The following APBB3 variants were observed in gnomAD, a reference collection of about 807,000 sequenced individuals.
The protein encoded by APBB3 is amyloid beta precursor protein binding family B member 3.
In APBB3, 50 loss-of-function variants were observed where a neutral mutation model predicts 61.5. That is an observed-to-expected ratio of 0.81 (90% CI 0.65 to 1.03). The LOEUF (loss-of-function observed/expected upper bound fraction) is 1.03. Ranked by LOEUF, APBB3 falls within the 50% of genes least tolerant of loss-of-function variation. APBB3 has a pLI of 0.00. For synonymous variants in APBB3, 235 were observed against 233.0 expected (o/e 1.01, Z -0.08); for missense variants, 550 against 637.4 (o/e 0.86, Z 1.48).
rs774015945 is a variant in APBB3, at chr5:140,561,060, C to T, written c.874G>A (p.Glu292Lys). ...GGCAGTGTCCCCATATACAGTGCCTCGTACTTCTGAGCAGCTTGGCTTACC... is the reference window on the plus strand; with the variant it reads ...GGCAGTGTCCCCATATACAGTGCCTTGTACTTCTGAGCAGCTTGGCTTACC... ...DAVSQAAQKY[E>K]ALYMGTLPVT... Residue 292 changes from glutamate (E) to lysine (K), a missense_variant, in exon 10 of 13, where the codon GAG becomes AAG. Around this residue, in one of 3 missense-constraint regions of APBB3, gnomAD observed 405 missense variants for 483.4 expected, o/e 0.84. Coordinates refer to ENST00000357560, the MANE Select transcript of APBB3 (RefSeq NM_133173.3). 32 of 1,613,816 alleles carry T rather than the reference C, an allele frequency of 2.0e-5. No homozygotes were observed. Among genetic ancestry groups the T allele is most frequent in the Non-Finnish European group, 2.4e-5 (28 of 1,180,032 alleles).
In APBB3 at chr5:140,564,365, G is replaced by A; in HGVS notation, c.-120C>T. On this transcript the variant is annotated 5_prime_UTR_variant, in exon 1 of 13. Transcript: ENST00000357560. This position sits in a 1 kb window ranked among gnomAD's most constrained non-coding sequence, Gnocchi z 5.0. Reference sequence around the variant, plus strand: ...GCCGCAGGCTGCGGGGCCAGCTGGCGCCGCACAAATACGGGGCGGGACACG... The same window carrying A: ...GCCGCAGGCTGCGGGGCCAGCTGGCACCGCACAAATACGGGGCGGGACACG... 2 of 1,278,138 alleles carry A rather than the reference G, an allele frequency of 1.6e-6. No individual in the cohort carries two copies. The highest frequency in any genetic ancestry group is 2.2e-6 in the Non-Finnish European group (2 of 914,194). The allele number at this position is 1,278,138 out of a possible 1,614,324, so 79.2% of individuals were successfully genotyped here. A position where few individuals can be genotyped will look rare whatever the true frequency, so the allele number is the denominator to read the frequency against.
intron 3 of APBB3, chr5:140,563,286 A>G: frequency 2.3e-6 from 1 of 437,072 alleles, no homozygotes; most frequent in Non-Finnish European, 4.1e-6. Flanking sequence ...ACAGGGTCCA[A>G]TATGTGGACC....
Position 140,563,546 on chromosome 5 carries a change from A to G in APBB3, c.290+48T>C, listed in dbSNP as rs769823955. 1.9e-6 allele frequency: 3 copies of G among 1,608,596 alleles called. No homozygotes were observed. In the Admixed American group the frequency reaches 5.0e-5, roughly 27 times the overall value. ...GACCATGGGTCCAGCTGCATTTTTGAACACCATGGAACCCCAAGCCTTTCA... is the reference window on the plus strand; with the variant it reads ...GACCATGGGTCCAGCTGCATTTTTGGACACCATGGAACCCCAAGCCTTTCA... On this transcript the variant is annotated intron_variant, in intron 3 of 12. Transcript: ENST00000357560.
Position 140,560,469 on chromosome 5 carries a change from C to T in APBB3, c.1068G>A (p.Gln356=). ...TAAATGTCACAAGGCGCACAGGGCA[C>T]TGCCACAATGGCTCCTCCTCTGTAC... ...EASTEEEPLW[Q]CPVRLVTFIG... is the part of the protein sequence containing the mutation. The change falls in exon 12 of 13, where the codon CAG becomes CAA. Residue 356 remains glutamine, a synonymous_variant. Coordinates refer to ENST00000357560, the MANE Select transcript of APBB3 (RefSeq NM_133173.3). This position sits in a 1 kb window ranked among gnomAD's most constrained non-coding sequence, Gnocchi z 5.1. The T allele has an allele frequency of 6.2e-7, 1 of 1,614,120 alleles. No homozygotes were observed. The highest frequency in any genetic ancestry group is 1.3e-5 in the African/African-American group (1 of 75,050).
Position 140,560,282 on chromosome 5 carries a change from T to TTC in APBB3, c.1224+30_1224+31insGA. 6.3e-7 allele frequency: 1 copy of TTC among 1,596,716 alleles called. No homozygotes were observed. Among genetic ancestry groups the TTC allele is most frequent in the African/African-American group, 1.4e-5 (1 of 73,690 alleles). ...ACAGTGGAGAGCAGCTGCAGGGCAATCCCACCAACCCATTCCCACCCATGA... is the reference window on the plus strand; with the variant it reads ...ACAGTGGAGAGCAGCTGCAGGGCAATTCCCCACCAACCCATTCCCACCCATGA... On this transcript the variant is annotated intron_variant, in intron 12 of 12. Transcript: ENST00000357560. The surrounding 1 kb of genome is among the most constrained non-coding windows in gnomAD (Gnocchi z 5.1).
chr5:140,559,938 G>A (rs1195983284), intron 12 of APBB3, among the ~76,000 whole-genome samples: 1 of 152,178 alleles, frequency 6.6e-6, no homozygotes, highest in African/African-American at 2.4e-5. Context: ...CGAAGTATAA[G>A]CAACCCACAC....
In APBB3 at chr5:140,560,901, G is replaced by A; in HGVS notation, c.916+117C>T. 7.2e-7 allele frequency: 1 copy of A among 1,380,688 alleles called. No homozygotes were observed. Among genetic ancestry groups the A allele is most frequent in the Non-Finnish European group, 1.0e-6 (1 of 991,008 alleles). 85.5% of individuals were successfully genotyped at this position (1,380,688 alleles called of 1,614,324 possible). On this transcript the variant is annotated intron_variant, in intron 10 of 12. Coordinates refer to ENST00000357560, the MANE Select transcript of APBB3 (RefSeq NM_133173.3). The surrounding 1 kb of genome is among the most constrained non-coding windows in gnomAD (Gnocchi z 5.1). ...GAATTCTGATTTGGGAAGGCTGGTA[G>A]ACCCCAGGCCATAACAAGGCCACGG...
chr5:140,563,847 C>G lies in APBB3; in HGVS notation c.118G>C (p.Asp40His). The G allele has an allele frequency of 6.2e-7, 1 of 1,614,182 alleles. No homozygotes were observed. Among genetic ancestry groups the G allele is most frequent in the Non-Finnish European group, 8.5e-7 (1 of 1,180,038 alleles). ...TGCCAGTAGTAAGTACCTGCAGCAT[C>G]GTGGATCTTCCTCCAGCCAGGAGGC... Reference protein sequence around the residue: ...GLPPGWRKIHDAAGTYYWHVP... With the variant: ...GLPPGWRKIHHAAGTYYWHVP... The change falls in exon 2 of 13, where the codon GAT (aspartate) becomes CAT (histidine). Residue 40 changes from aspartate (D) to histidine (H), a missense_variant. By Grantham distance (81) the Asp-to-His change is moderately conservative. This residue lies in a region of APBB3 where 405 missense variants were observed against 483.4 expected (regional missense o/e 0.84). Transcript: ENST00000357560.
chr5:140,563,763 C>T lies in APBB3; in HGVS notation c.202G>A (p.Asp68Asn). 1 of 1,614,150 alleles carries T rather than the reference C, an allele frequency of 6.2e-7. No individual in the cohort carries two copies. The highest frequency in any genetic ancestry group is 1.1e-5 in the South Asian group (1 of 91,084). ...CACACTCTACCTACCGTGCCTGGGTCCTCTGCATCTCCTAGTTCCCAGGTT... is the reference window on the plus strand; with the variant it reads ...CACACTCTACCTACCGTGCCTGGGTTCTCTGCATCTCCTAGTTCCCAGGTT... ...RPTWELGDAE[D>N]PGTGTEGIWG... The change falls in exon 2 of 13, where the codon GAC becomes AAC. Residue 68 changes from aspartate (D) to asparagine (N), a missense_variant. Asp to Asn is a conservative substitution (Grantham distance 23, BLOSUM62 1). Around this residue, in one of 3 missense-constraint regions of APBB3, gnomAD observed 405 missense variants for 483.4 expected, o/e 0.84. Coordinates refer to ENST00000357560, the MANE Select transcript of APBB3 (RefSeq NM_133173.3).
At chr5:140,562,272 G>A in intron 5 of APBB3, 45 bp from the exon 6 acceptor site, 1 of 1,612,202 alleles carries the variant, frequency 6.2e-7, no homozygotes, top group Non-Finnish European at 8.5e-7. Context: ...AAAGGTCATT[G>A]CCATGAGAAA....
At position 140,561,415 on chromosome 5, in the gene APBB3, G is replaced by A. The variant is rs1321932755; in HGVS notation, c.782C>T (p.Ala261Val). 6.2e-7 allele frequency: 1 copy of A among 1,614,148 alleles called. No homozygotes were observed. Among genetic ancestry groups the A allele is most frequent in the Non-Finnish European group, 8.5e-7 (1 of 1,180,032 alleles). ...LSERVEVSGD[A>V]SCCSPDPISP... ...GATGGGGTCTGGGGAGCAGCAAGAG[G>A]CATCACCACTGACCTCTACTCGCTC... is the stretch of plus-strand genomic sequence containing the variant. The change falls in exon 9 of 13, where the codon GCC becomes GTC. Residue 261 changes from alanine to valine, a missense_variant. By Grantham distance (64) the Ala-to-Val change is moderately conservative. Around this residue, in one of 3 missense-constraint regions of APBB3, gnomAD observed 405 missense variants for 483.4 expected, o/e 0.84. Transcript: ENST00000357560.
Position 140,561,401 on chromosome 5 carries a change from G to C in APBB3, c.796C>G (p.Pro266Ala). 2 of 1,614,214 alleles carry C rather than the reference G, an allele frequency of 1.2e-6. No individual in the cohort carries two copies. The highest frequency in any genetic ancestry group is 1.7e-6 in the Non-Finnish European group (2 of 1,180,046). The change falls in exon 9 of 13, where the codon CCA becomes GCA. Residue 266 changes from proline (P) to alanine (A), a missense_variant. Physicochemically the swap from Pro to Ala is conservative, Grantham distance 27. Transcript: ENST00000357560. ...AGGTCTTCAGGAGAGATGGGGTCTG[G>C]GGAGCAGCAAGAGGCATCACCACTG... is the stretch of plus-strand genomic sequence containing the variant. ...EVSGDASCCS[P>A]DPISPEDLPR...
Position 140,560,282 on chromosome 5 carries a change from T to TA in APBB3, c.1224+30_1224+31insT. ...ACAGTGGAGAGCAGCTGCAGGGCAA[T>TA]CCCACCAACCCATTCCCACCCATGA... On this transcript the variant is annotated intron_variant, in intron 12 of 12. Coordinates refer to ENST00000357560, the MANE Select transcript of APBB3 (RefSeq NM_133173.3). This position sits in a 1 kb window ranked among gnomAD's most constrained non-coding sequence, Gnocchi z 5.1. 3.1e-6 allele frequency: 5 copies of TA among 1,596,700 alleles called. No individual in the cohort carries two copies. The African/African-American group carries it at 6.8e-5, about 22-fold the overall frequency.
At chr5:140,561,784 A>C in intron 7 of APBB3, 60 bp downstream of exon 7, 1 of 1,614,036 alleles carries the variant, frequency 6.2e-7, no homozygotes, top group Non-Finnish European at 8.5e-7. Flanking sequence ...GGCTAGGGAT[A>C]TAGCAGGGAT....
chr5:140,561,515 C>A, intron 8 of APBB3, 66 bp from the exon 9 acceptor site: 1 of 1,613,392 alleles, frequency 6.2e-7, no homozygotes, highest in Non-Finnish European at 8.5e-7. Context: ...AGGGCCAATA[C>A]CACCCCAACT....
In APBB3 at chr5:140,558,385, C is replaced by A. The variant is rs892361091; in HGVS notation, c.*200G>T. 1 of 682,510 alleles carries A rather than the reference C, an allele frequency of 1.5e-6. No homozygotes were observed. Among genetic ancestry groups the A allele is most frequent in the East Asian group, 2.6e-5 (1 of 39,176 alleles). The allele number at this position is 682,510 out of a possible 1,614,324, so 42.3% of individuals were successfully genotyped here. Reference sequence around the variant, plus strand: ...ACACAAGGACCCAAGGAAAGGGGAGCCAGGGTCCTACGTTGTGGTGCAGTG... The same window carrying A: ...ACACAAGGACCCAAGGAAAGGGGAGACAGGGTCCTACGTTGTGGTGCAGTG... On this transcript the variant is annotated 3_prime_UTR_variant, in exon 13 of 13. Coordinates refer to ENST00000357560, the MANE Select transcript of APBB3 (RefSeq NM_133173.3).
Position 140,560,774 on chromosome 5 carries a change from G to C in APBB3, c.917-20C>G. Reference sequence around the variant, plus strand: ...CCATGCCTGGGGGAACATACCCAGCGTGTCTCCCAGTGTAAAAGAAAGAGT... The same window carrying C: ...CCATGCCTGGGGGAACATACCCAGCCTGTCTCCCAGTGTAAAAGAAAGAGT... On this transcript the variant is annotated intron_variant, in intron 10 of 12. Coordinates refer to ENST00000357560, the MANE Select transcript of APBB3 (RefSeq NM_133173.3). The surrounding 1 kb of genome is among the most constrained non-coding windows in gnomAD (Gnocchi z 5.1). The C allele has an allele frequency of 6.3e-7, 1 of 1,599,920 alleles. No individual in the cohort carries two copies. Among genetic ancestry groups the C allele is most frequent in the Middle Eastern group, 1.7e-4 (1 of 6,022 alleles).
Position 140,563,902 on chromosome 5 carries a change from C to T in APBB3, c.63G>A (p.Gly21=), listed in dbSNP as rs34821081. 3 of 1,613,614 alleles carry T rather than the reference C, an allele frequency of 1.9e-6. No homozygotes were observed. Among genetic ancestry groups the T allele is most frequent in the Non-Finnish European group, 2.5e-6 (3 of 1,179,886 alleles). Reference sequence around the variant, plus strand: ...CAGCCTCCACCTCCAGACTGTGGTCCCCCCACAAGTCATCTACAGGAACAC... The same window carrying T: ...CAGCCTCCACCTCCAGACTGTGGTCTCCCCACAAGTCATCTACAGGAACAC... ...ILVNCDDDLW[G]DHSLEVEAGL... The change falls in exon 2 of 13, where the codon GGG becomes GGA. Residue 21 remains glycine (G), a synonymous_variant. Transcript: ENST00000357560.
chr5:140,562,916 T>C (rs951938064), intron 3 of APBB3, 193 bp from the exon 4 acceptor site: 1 of 599,776 alleles, frequency 1.7e-6, no homozygotes, highest in African/African-American at 1.9e-5. Flanking sequence ...TGAGGGAAAA[T>C]TCAGGACATA....
Sources: allele counts gnomAD v4.1 joint callset (sites outside exome capture counted in the v4.1 genomes callset), GRCh38; gene constraint gnomAD v4.1.1; regional missense constraint gnomAD v4.1.1; non-coding constraint Gnocchi (gnomAD v3.1); transcripts MANE v1.5; gene names NCBI Gene and HGNC (gene_info 2026-07-23, HGNC 2026-07-21).